NUP153: variants seen among roughly 807,000 people sequenced by gnomAD.
NUP153 encodes the protein nuclear pore complex protein Nup153.
In NUP153, 27 loss-of-function variants were observed where a neutral mutation model predicts 134.6. The ratio of observed to expected loss-of-function variants is 0.20; its 90% CI spans 0.15 to 0.28. The LOEUF (loss-of-function observed/expected upper bound fraction) is 0.28, where lower values mean the gene tolerates loss of function less well. NUP153 is among the 10% of genes least tolerant of loss of function. NUP153 has a pLI of 1.00. For missense variants in NUP153, 1,821 were observed against 1,731.3 expected (o/e 1.05, Z -0.92); for synonymous variants, 640 against 623.5 (o/e 1.03, Z -0.40).
At chr6:17,705,281 T>C (rs1185289174) in intron 1 of NUP153, among the ~76,000 whole-genome samples, 1 of 152,202 alleles carries the variant, frequency 6.6e-6, no homozygotes, top group East Asian at 1.9e-4. Flanking sequence ...TTTATTAAAA[T>C]AAGTTAACAT....
At chr6:17,653,143 C>T (rs572776822) in intron 11 of NUP153, among the ~76,000 whole-genome samples, 1 of 152,200 alleles carries the variant, frequency 6.6e-6, no homozygotes, top group Non-Finnish European at 1.5e-5. Context: ...ATCCCAGCCA[C>T]TTGGGAGGCT....
At chr6:17,688,847 G>A (rs1181442788) in intron 1 of NUP153, among the ~76,000 whole-genome samples, 1 of 151,856 alleles carries the variant, frequency 6.6e-6, no homozygotes, top group Admixed American at 6.6e-5. Context: ...CCAAATGGCT[G>A]CATTATTCTA....
At chr6:17,655,109 G>C (rs1366515917) in intron 11 of NUP153, among the ~76,000 whole-genome samples, 2 of 152,090 alleles carry the variant, frequency 1.3e-5, no homozygotes, top group Admixed American at 1.3e-4. Context: ...TACATGTTTT[G>C]TATCAATGAG....
intron 18 of NUP153, among the ~76,000 whole-genome samples, chr6:17,626,471 G>C (rs950609406): frequency 2.0e-5 from 3 of 152,162 alleles, no homozygotes; most frequent in African/African-American, 7.2e-5. Flanking sequence ...AGCAAGCTTA[G>C]ATAGTGGAAG....
chr6:17,663,273 A>ATG (rs1018363750), intron 9 of NUP153, among the ~76,000 whole-genome samples: 12 of 151,704 alleles, frequency 7.9e-5, no homozygotes, highest in Admixed American at 4.0e-4. Flanking sequence ...ATATATATAT[A>ATG]TATTTTGAGT....
chr6:17,704,935 A>G (rs1770382110), intron 1 of NUP153, among the ~76,000 whole-genome samples: 1 of 151,942 alleles, frequency 6.6e-6, no homozygotes, highest in Admixed American at 6.6e-5. Context: ...AATTTTTTGT[A>G]TTTGTTAGTA....
intron 11 of NUP153, among the ~76,000 whole-genome samples, chr6:17,654,578 C>T (rs1333085569): frequency 6.6e-6 from 1 of 152,108 alleles, no homozygotes; most frequent in Non-Finnish European, 1.5e-5. Context: ...CCTCGGCCTC[C>T]GAAAGTGCTG....
intron 16 of NUP153, among the ~76,000 whole-genome samples, chr6:17,635,812 T>C (rs954513370): frequency 6.6e-6 from 1 of 152,256 alleles, no homozygotes; most frequent in South Asian, 2.1e-4. Flanking sequence ...CAAACTTGAC[T>C]GTATCACTCC....
intron 1 of NUP153, among the ~76,000 whole-genome samples, chr6:17,705,805 C>T (rs1770445862): frequency 6.6e-6 from 1 of 152,036 alleles, no homozygotes; most frequent in Admixed American, 6.6e-5. Context: ...CACAACTCCC[C>T]GTCTGCCCCA....
chr6:17,701,875 A>G (rs1170144944), intron 1 of NUP153, among the ~76,000 whole-genome samples: 1 of 144,458 alleles, frequency 6.9e-6, no homozygotes, highest in Non-Finnish European at 1.5e-5. Context: ...CTGACTTGTA[A>G]GACAAACTAT....
intron 2 of NUP153, 71 bp downstream of exon 2, chr6:17,688,325 A>T: frequency 8.8e-7 from 1 of 1,134,020 alleles, no homozygotes; most frequent in Non-Finnish European, 1.3e-6. Flanking sequence ...ATTTACCATA[A>T]CTAGGTAGTG....
chr6:17,643,940 ATTTAATCCTCT>A (rs1765994411), intron 14 of NUP153, among the ~76,000 whole-genome samples: 1 of 152,230 alleles, frequency 6.6e-6, no homozygotes, highest in Non-Finnish European at 1.5e-5. Flanking sequence ...ATTTGAAGAA[ATTTAATCCTCT>A]TGAATTAATA....
At chr6:17,623,458 T>C (rs1257195380) in intron 20 of NUP153, among the ~76,000 whole-genome samples, 2 of 152,056 alleles carry the variant, frequency 1.3e-5, no homozygotes, top group African/African-American at 4.8e-5. Context: ...GGATATGAAT[T>C]GGCAGAATCC....
intron 1 of NUP153, among the ~76,000 whole-genome samples, chr6:17,700,008 CCT>C (rs1345028867): frequency 6.6e-6 from 1 of 151,980 alleles, no homozygotes; most frequent in Non-Finnish European, 1.5e-5. Context: ...CCACACAAAA[CCT>C]CTCATCACAA....
rs151286304 is a variant in NUP153 at position 17,628,208 on chromosome 6, G to A, written c.3544+447C>T. On this transcript the variant is annotated intron_variant, in intron 18 of 21. Coordinates refer to ENST00000262077, the MANE Select transcript of NUP153 (RefSeq NM_005124.4). The surrounding 1 kb of genome is among the most constrained non-coding windows in gnomAD (Gnocchi z 5.4). ...CTTTCAAAATCTCTTGTTTTCTCAG[G>A]ATTAATTATATTTGTTGTCTATGTT... 3.9e-4 allele frequency among the ~76,000 whole-genome samples: 60 copies of A among 152,202 alleles called. 1 individual carries two copies. Among genetic ancestry groups the A allele is most frequent in the African/African-American group, 1.3e-3 (53 of 41,518 alleles).
chr6:17,620,387 T>C (rs570150085), intron 20 of NUP153, among the ~76,000 whole-genome samples: 36 of 152,224 alleles, frequency 2.4e-4, no homozygotes, highest in East Asian at 9.7e-4. Context: ...AGAACACGCA[T>C]TGGGAAAAGG....
intron 15 of NUP153, among the ~76,000 whole-genome samples, chr6:17,639,713 T>C (rs1284492055): frequency 6.6e-6 from 1 of 152,204 alleles, no homozygotes; most frequent in Non-Finnish European, 1.5e-5. Context: ...GGAGAATCCA[T>C]TTCCTCCTCC....
intron 11 of NUP153, among the ~76,000 whole-genome samples, chr6:17,657,400 A>T (rs12207486): frequency 0.23 from 33,636 of 147,184 alleles, 4,185 homozygotes; most frequent in Non-Finnish European, 0.28. Context: ...AAATAAAAAA[A>T]TAAAAAAAAA....
At chr6:17,644,799 C>T (rs895623911) in intron 14 of NUP153, among the ~76,000 whole-genome samples, 1 of 151,892 alleles carries the variant, frequency 6.6e-6, no homozygotes, top group African/African-American at 2.4e-5. Flanking sequence ...AAAAAATTAG[C>T]CAGGGGCAGG....
Sources: allele counts gnomAD v4.1 joint callset (sites outside exome capture counted in the v4.1 genomes callset), GRCh38; gene constraint gnomAD v4.1.1; non-coding constraint Gnocchi (gnomAD v3.1); transcripts MANE v1.5; gene names NCBI Gene and HGNC (gene_info 2026-07-23, HGNC 2026-07-21).